TUSC3: variants seen among roughly 807,000 people sequenced by gnomAD.
TUSC3 encodes dolichyl-diphosphooligosaccharide--protein glycosyltransferase subunit TUSC3.
TUSC3 carries 45 observed loss-of-function variants against 44.8 expected under a neutral mutation model. The ratio of observed to expected loss-of-function variants is 1.00; its 90% CI spans 0.79 to 1.29. The LOEUF is 1.29. Ranked by LOEUF, TUSC3 falls within the 50% of genes most tolerant of loss-of-function variation. TUSC3 has a pLI of 0.00. For synonymous variants in TUSC3, 212 were observed against 152.9 expected (o/e 1.39, Z -2.85); for missense variants, 519 against 437.9 (o/e 1.19, Z -1.65).
intron 2 of TUSC3, among the ~76,000 whole-genome samples, chr8:15,492,830 G>A (rs532010906): frequency 1.3e-4 from 19 of 151,598 alleles, no homozygotes; most frequent in African/African-American, 4.4e-4. Flanking sequence ...ATCCATATGA[G>A]TTTTTATCTT....
chr8:15,827,520 C>G, the TUSC3 span, among the ~76,000 whole-genome samples: 1 of 152,008 alleles, frequency 6.6e-6, no homozygotes, highest in Non-Finnish European at 1.5e-5. Flanking sequence ...TTATGGTTAG[C>G]TTAATGGAAG....
At chr8:15,617,720 T>G (rs565060275) in intron 1 of TUSC3, among the ~76,000 whole-genome samples, 8 of 152,372 alleles carry the variant, frequency 5.3e-5, no homozygotes, top group African/African-American at 7.2e-5. Context: ...CAAATACTGT[T>G]TTCCAAAGTT....
Position 15,425,842 on chromosome 8 carries a change from C to G in TUSC3, n.91+8537C>G, listed in dbSNP as rs551742048. ...CAAATATAATCAATGTATCCTATGT[C>G]AAACTCATAATTAAAATAGAAAAAT... On this transcript the variant is annotated intron_variant and non_coding_transcript_variant, in intron 1 of 5. Coordinates refer to the TUSC3 transcript ENST00000503191. Among the ~76,000 whole-genome samples the G allele has an allele frequency of 3.7e-4, 57 of 152,188 alleles. 2 individuals are homozygous for G. The South Asian group carries it at 0.011, about 29-fold the overall frequency.
At chr8:15,824,915 A>C in the TUSC3 span, among the ~76,000 whole-genome samples, 45 of 152,292 alleles carry the variant, frequency 3.0e-4, no homozygotes, top group African/African-American at 1.0e-3. Context: ...GGTGAAATTC[A>C]GTTACAGTGC....
At chr8:15,503,872 G>A (rs1801007683) in intron 2 of TUSC3, among the ~76,000 whole-genome samples, 1 of 151,814 alleles carries the variant, frequency 6.6e-6, no homozygotes, top group South Asian at 2.1e-4. Flanking sequence ...CTCCACAGCT[G>A]GGTGTGGTGG....
intron 7 of TUSC3, among the ~76,000 whole-genome samples, chr8:15,735,738 C>T (rs1011380225): frequency 7.9e-5 from 12 of 152,060 alleles, no homozygotes; most frequent in South Asian, 2.1e-4. Context: ...ACTTCTTGGT[C>T]GCCCAGGCTG....
At chr8:15,625,711 T>A (rs35175142) in intron 2 of TUSC3, among the ~76,000 whole-genome samples, 19,195 of 152,182 alleles carry the variant, frequency 0.13, 1,733 homozygotes, top group Non-Finnish European at 0.19. Context: ...ATGTAAAAAA[T>A]CAGTTTTACT....
rs189464272 is a variant in TUSC3 at position 15,590,999 on chromosome 8, A to G, written c.139-32081A>G. Among the ~76,000 whole-genome samples, 62 of 152,326 alleles carry G rather than the reference A, an allele frequency of 4.1e-4. 1 individual carries two copies. The highest frequency in any genetic ancestry group is 1.5e-3 in the African/African-American group (61 of 41,568). On this transcript the variant is annotated intron_variant, in intron 1 of 10. Coordinates refer to ENST00000503731, the MANE Select transcript of TUSC3 (RefSeq NM_006765.4). Reference sequence around the variant, plus strand: ...TATAATTTGTTTTGCCAGATCTGATATAAAGAAGTAGGAGAAATCTTTGCC... The same window carrying G: ...TATAATTTGTTTTGCCAGATCTGATGTAAAGAAGTAGGAGAAATCTTTGCC...
chr8:15,417,545 T>A (rs965550480), intron 1 of TUSC3, among the ~76,000 whole-genome samples: 13 of 152,220 alleles, frequency 8.5e-5, no homozygotes, highest in Non-Finnish European at 1.8e-4. Context: ...AGAGGTCATA[T>A]GACGGCAAGT....
chr8:15,650,559 A>G (rs1454327734), intron 2 of TUSC3, 138 bp from the exon 3 acceptor site: 5 of 681,140 alleles, frequency 7.3e-6, no homozygotes, highest in South Asian at 1.9e-5. Flanking sequence ...TTAAAAAAAA[A>G]TATTTTAAAA....
At chr8:15,497,900 C>A (rs1163907516) in intron 2 of TUSC3, among the ~76,000 whole-genome samples, 1 of 151,928 alleles carries the variant, frequency 6.6e-6, no homozygotes, top group Non-Finnish European at 1.5e-5. Flanking sequence ...TCTCTCCTGC[C>A]ACCATGCCCA....
At chr8:15,575,911 G>C (rs1027137267) in intron 1 of TUSC3, among the ~76,000 whole-genome samples, 2 of 152,046 alleles carry the variant, frequency 1.3e-5, no homozygotes, top group Non-Finnish European at 2.9e-5. Flanking sequence ...ATTGGGGAAA[G>C]TGTTATAAAG....
chr8:15,826,327 T>C, the TUSC3 span, among the ~76,000 whole-genome samples: 1 of 152,148 alleles, frequency 6.6e-6, no homozygotes, highest in Non-Finnish European at 1.5e-5. Context: ...TCCTTCATCT[T>C]CCAGACAGCG....
At chr8:15,598,948 A>T (rs1173632718) in intron 1 of TUSC3, among the ~76,000 whole-genome samples, 1 of 151,770 alleles carries the variant, frequency 6.6e-6, no homozygotes, top group Non-Finnish European at 1.5e-5. Flanking sequence ...ATTCCTTTTG[A>T]GTAGATCCCA....
rs143054605 is a variant in TUSC3, at chr8:15,498,287, G to C, written n.189+14804G>C. On this transcript the variant is annotated intron_variant and non_coding_transcript_variant, in intron 2 of 5. Coordinates refer to the TUSC3 transcript ENST00000503191. Reference sequence around the variant, plus strand: ...ATTGAGTAGACTAATAGATGCAGTGGAGTTTCTGGAAGCTCTCATTTGATT... The same window carrying C: ...ATTGAGTAGACTAATAGATGCAGTGCAGTTTCTGGAAGCTCTCATTTGATT... 4.6e-3 allele frequency among the ~76,000 whole-genome samples: 697 copies of C among 152,260 alleles called. 2 individuals are homozygous for C. The highest frequency in any genetic ancestry group is 0.016 in the African/African-American group (669 of 41,550).
chr8:15,611,046 A>C (rs1431798695), intron 1 of TUSC3, among the ~76,000 whole-genome samples: 1 of 152,186 alleles, frequency 6.6e-6, no homozygotes, highest in Non-Finnish European at 1.5e-5. Flanking sequence ...TAATTTCTCT[A>C]TTTCTCATTA....
chr8:15,510,042 G>A (rs1001841284), intron 2 of TUSC3, among the ~76,000 whole-genome samples: 7 of 151,984 alleles, frequency 4.6e-5, no homozygotes, highest in Non-Finnish European at 8.8e-5. Context: ...CCATGGAGGT[G>A]CACAACTGTA....
intron 1 of TUSC3, among the ~76,000 whole-genome samples, chr8:15,440,140 G>C (rs1800001703): frequency 6.6e-6 from 1 of 152,164 alleles, no homozygotes; most frequent in African/African-American, 2.4e-5. Flanking sequence ...ATTTTGGGCT[G>C]GGATTTAAAC....
intron 6 of TUSC3, among the ~76,000 whole-genome samples, chr8:15,694,285 A>T (rs1809051709): frequency 6.6e-6 from 1 of 151,958 alleles, no homozygotes; most frequent in African/African-American, 2.4e-5. Context: ...TCTACTGAAA[A>T]TACAAAATTA....
Sources: gnomAD v4.1 joint callset for allele counts (sites outside exome capture counted in the v4.1 genomes callset) on GRCh38, gnomAD v4.1.1 for gene constraint, MANE v1.5 for transcripts, NCBI Gene and HGNC (gene_info 2026-07-23, HGNC 2026-07-21) for gene names.